KIF18A: variants seen among roughly 807,000 people sequenced by gnomAD.
KIF18A encodes the protein kinesin-like protein KIF18A.
A neutral mutation model predicts 103.3 loss-of-function variants in KIF18A; 67 were observed. The ratio of observed to expected loss-of-function variants is 0.65; its 90% CI spans 0.53 to 0.79. KIF18A has a LOEUF of 0.79. Among genes scored for constraint, KIF18A ranks in the 30% least tolerant of loss-of-function variants. The pLI is 0.00. For synonymous variants in KIF18A, 367 were observed against 355.5 expected (o/e 1.03, Z -0.36); for missense variants, 1,032 against 1,062.5 (o/e 0.97, Z 0.40).
intron 10 of KIF18A, among the ~76,000 whole-genome samples, chr11:28,072,324 T>C (rs1851029406): frequency 6.6e-6 from 1 of 152,176 alleles, no homozygotes; most frequent in African/African-American, 2.4e-5. Context: ...TTAAAAACAA[T>C]CTTACAGATT....
chr11:28,082,721 T>G, intron 9 of KIF18A, 135 bp downstream of exon 9: 2 of 553,650 alleles, frequency 3.6e-6, no homozygotes, highest in Non-Finnish European at 6.3e-6. Flanking sequence ...TGTATGTATG[T>G]GTGTATATAT....
chr11:28,063,293 G>A (rs2133531385), intron 11 of KIF18A, among the ~76,000 whole-genome samples: 1 of 152,118 alleles, frequency 6.6e-6, no homozygotes, highest in East Asian at 1.9e-4. Flanking sequence ...TTTCCAGTTA[G>A]AAAATTAAAT....
chr11:28,072,038 C>T (rs1305148566), intron 10 of KIF18A, among the ~76,000 whole-genome samples: 3 of 152,004 alleles, frequency 2.0e-5, no homozygotes, highest in African/African-American at 7.2e-5. Flanking sequence ...TGTGATGGTT[C>T]TCAGAGGACA....
rs750149526 is a variant in KIF18A, at chr11:28,040,813, A to G, written c.1949-4149T>C. Among the ~76,000 whole-genome samples the G allele has an allele frequency of 4.6e-5, 7 of 151,860 alleles. No homozygotes were observed. The South Asian group carries it at 1.2e-3, about 27-fold the overall frequency. On this transcript the variant is annotated intron_variant, in intron 13 of 16. Transcript: ENST00000263181. ...TCTGAGTAATTTTGCTATTTCCACA[A>G]CATCTCTTGAGACTTTAACTCCTCA...
chr11:28,096,853 G>C (rs1426859463), intron 2 of KIF18A, among the ~76,000 whole-genome samples: 2 of 144,456 alleles, frequency 1.4e-5, no homozygotes, highest in African/African-American at 5.0e-5. Flanking sequence ...TGGCCATTTT[G>C]CATCTTGGGT....
At chr11:28,024,798 G>A (rs915881838) in intron 15 of KIF18A, among the ~76,000 whole-genome samples, 9 of 151,886 alleles carry the variant, frequency 5.9e-5, no homozygotes, top group African/African-American at 2.2e-4. Context: ...ATCCTTCCAC[G>A]CTGATTCAAA....
At chr11:28,086,855 T>C (rs1343666504) in intron 6 of KIF18A, among the ~76,000 whole-genome samples, 1 of 152,168 alleles carries the variant, frequency 6.6e-6, no homozygotes, top group Non-Finnish European at 1.5e-5. Context: ...TATGAATGGC[T>C]TAAGTTTACA....
At chr11:28,031,052 G>A (rs1187150905) in intron 15 of KIF18A, among the ~76,000 whole-genome samples, 2 of 151,654 alleles carry the variant, frequency 1.3e-5, no homozygotes, top group East Asian at 1.9e-4. Flanking sequence ...GAGAGGATGT[G>A]GAGAAATAGG....
chr11:28,021,366 C>T, intron 16 of KIF18A, 84 bp from the exon 17 acceptor site: 1 of 1,096,602 alleles, frequency 9.1e-7, no homozygotes, highest in Non-Finnish European at 1.2e-6. Context: ...AAAATTATGA[C>T]CATAGAAAGA....
chr11:28,027,440 T>C (rs1490294351), intron 15 of KIF18A, among the ~76,000 whole-genome samples: 1 of 151,350 alleles, frequency 6.6e-6, no homozygotes, highest in Admixed American at 6.6e-5. Flanking sequence ...CTCAAATCCA[T>C]GGTTTAATGT....
At position 28,108,133 on chromosome 11, in the gene KIF18A, T is replaced by G. The variant is rs773430946; in HGVS notation, c.-116A>C. ...CAACCACTTCACTTTAATGTCCGCC[T>G]CCCAGCGCTTCAGACTCAACCACAA... On this transcript the variant is annotated 5_prime_UTR_variant, in exon 1 of 17. Transcript: ENST00000263181. 6.6e-6 allele frequency: 1 copy of G among 152,464 alleles called. No homozygotes were observed. The highest frequency in any genetic ancestry group is 1.5e-5 in the Non-Finnish European group (1 of 68,258). 9.4% of individuals were successfully genotyped at this position (152,464 alleles called of 1,614,324 possible).
Position 28,068,223 on chromosome 11 carries a change from A to G in KIF18A, c.1590+1036T>C, listed in dbSNP as rs1850962672. On this transcript the variant is annotated intron_variant, in intron 11 of 16. Coordinates refer to ENST00000263181, the MANE Select transcript of KIF18A (RefSeq NM_031217.4). The stretch of plus-strand genomic sequence containing the variant: ...ACTCACAAGTGGGAGTTGAACAATG[A>G]GAACACATGGACACAGGGAGGGGAA... Among the ~76,000 whole-genome samples, 7 of 152,240 alleles carry G rather than the reference A, an allele frequency of 4.6e-5. No individual in the cohort carries two copies. The South Asian group carries it at 1.5e-3, about 32-fold the overall frequency.
intron 3 of KIF18A, among the ~76,000 whole-genome samples, chr11:28,092,582 G>T (rs191197112): frequency 6.6e-6 from 1 of 151,964 alleles, no homozygotes; most frequent in East Asian, 1.9e-4. Flanking sequence ...CTAGTGACCC[G>T]ATTTTATGAA....
intron 1 of KIF18A, among the ~76,000 whole-genome samples, chr11:28,107,689 C>T (rs1192614966): frequency 6.6e-6 from 1 of 152,144 alleles, no homozygotes; most frequent in African/African-American, 2.4e-5. Flanking sequence ...ATATGTGAGT[C>T]TGAAACAAAA....
At chr11:28,080,843 T>G (rs1851156831) in intron 9 of KIF18A, among the ~76,000 whole-genome samples, 1 of 152,160 alleles carries the variant, frequency 6.6e-6, no homozygotes, top group Non-Finnish European at 1.5e-5. Flanking sequence ...CACAAAACAT[T>G]TAGCCAAGTT....
At chr11:28,042,081 T>C (rs1301985276) in intron 13 of KIF18A, among the ~76,000 whole-genome samples, 1 of 151,754 alleles carries the variant, frequency 6.6e-6, no homozygotes, top group Non-Finnish European at 1.5e-5. Flanking sequence ...TCATAGAGAC[T>C]TGAGGCAGTA....
At chr11:28,101,624 A>G (rs1457785663) in intron 1 of KIF18A, among the ~76,000 whole-genome samples, 1 of 152,184 alleles carries the variant, frequency 6.6e-6, no homozygotes. Flanking sequence ...AAGATTACAC[A>G]CTTAGAACAA....
intron 13 of KIF18A, among the ~76,000 whole-genome samples, 192 bp downstream of exon 13, chr11:28,058,734 T>C (rs551519573): frequency 1.4e-5 from 2 of 144,358 alleles, no homozygotes; most frequent in East Asian, 4.2e-4. Context: ...TAGAGTTATA[T>C]AGAACATCAA....
rs761219517 is a variant in KIF18A, at chr11:28,097,784, T to A, written c.164A>T (p.His55Leu). ...ATTTTGATTTGTAGTTTTCTTTCCA[T>A]GGAAAAAACTGACTTCTTCTTGTTT... Reference protein sequence around the residue: ...DPKQEEVSFFHGKKTTNQNVI... With the variant: ...DPKQEEVSFFLGKKTTNQNVI... Residue 55 changes from histidine to leucine, a missense_variant, in exon 2 of 17, where the codon CAT (histidine) becomes CTT (leucine). Physicochemically the swap from His to Leu is moderately conservative, Grantham distance 99 (BLOSUM62 -3). Coordinates refer to ENST00000263181, the MANE Select transcript of KIF18A (RefSeq NM_031217.4). The A allele has an allele frequency of 3.1e-6, 5 of 1,613,124 alleles. No homozygotes were observed. In the South Asian group the frequency reaches 5.5e-5, roughly 18 times the overall value.
Sources: gnomAD v4.1 joint callset for allele counts (sites outside exome capture counted in the v4.1 genomes callset) on GRCh38, gnomAD v4.1.1 for gene constraint, MANE v1.5 for transcripts, NCBI Gene and HGNC (gene_info 2026-07-23, HGNC 2026-07-21) for gene names.